SAMMSON: variants seen among roughly 807,000 people sequenced by gnomAD.
SAMMSON encodes survival associated mitochondrial melanoma specific oncogenic non-coding RNA.
At chr3:70,197,672 T>A (rs755397604) in intron 4 of SAMMSON, among the ~76,000 whole-genome samples, 17 of 152,220 alleles carry the variant, frequency 1.1e-4, no homozygotes, top group Non-Finnish European at 2.5e-4. Flanking sequence ...GCCACACCCA[T>A]ATTCCAGTGC....
chr3:70,351,327 A>G (rs891670151), intron 7 of SAMMSON, among the ~76,000 whole-genome samples: 43 of 152,154 alleles, frequency 2.8e-4, no homozygotes, highest in Admixed American at 2.0e-4. Context: ...TTTAATAAGT[A>G]TTGGTGGGGA....
intron 4 of SAMMSON, among the ~76,000 whole-genome samples, chr3:70,073,471 C>T (rs2067237481): frequency 6.6e-6 from 1 of 152,020 alleles, no homozygotes; most frequent in Non-Finnish European, 1.5e-5. Context: ...AGCTTACAAT[C>T]TATCGCAGAG....
rs568174075 is a variant in SAMMSON at position 70,210,132 on chromosome 3, T to G, written n.508-38975T>G. 3.9e-5 allele frequency among the ~76,000 whole-genome samples: 6 copies of G among 152,198 alleles called. No individual in the cohort carries two copies. The South Asian group carries it at 1.2e-3, about 32-fold the overall frequency. On this transcript the variant is annotated intron_variant and non_coding_transcript_variant, in intron 4 of 9. Transcript: ENST00000642114. ...TAGAGGTTACTGGAATGTAAGAACA[T>G]GCGGCGAATACAGTATACAGCCAAG...
intron 4 of SAMMSON, among the ~76,000 whole-genome samples, chr3:70,172,098 A>G (rs970898454): frequency 2.0e-5 from 3 of 151,956 alleles, no homozygotes; most frequent in Admixed American, 2.0e-4. Context: ...CACTAGAACT[A>G]CATTTCCTAT....
intron 9 of SAMMSON, among the ~76,000 whole-genome samples, chr3:70,371,192 T>C (rs1362367964): frequency 2.0e-5 from 3 of 152,158 alleles, no homozygotes; most frequent in Admixed American, 6.6e-5. Context: ...TTTATACCAA[T>C]ACCATGCTGT....
At chr3:70,082,945 A>T (rs1200261419) in intron 4 of SAMMSON, among the ~76,000 whole-genome samples, 1 of 152,214 alleles carries the variant, frequency 6.6e-6, no homozygotes, top group Non-Finnish European at 1.5e-5. Context: ...TGGCTGGTAA[A>T]TGATGGAGCT....
chr3:70,268,399 C>T (rs1575611031), intron 6 of SAMMSON, among the ~76,000 whole-genome samples: 1 of 144,358 alleles, frequency 6.9e-6, no homozygotes, highest in African/African-American at 2.6e-5. Flanking sequence ...CACTTGAACC[C>T]GGGAGGCGGA....
intron 4 of SAMMSON, among the ~76,000 whole-genome samples, chr3:70,168,701 C>T (rs1181614240): frequency 6.6e-6 from 1 of 151,928 alleles, no homozygotes; most frequent in Non-Finnish European, 1.5e-5. Context: ...CAACATTAGG[C>T]GTACGTGGAG....
intron 4 of SAMMSON, among the ~76,000 whole-genome samples, chr3:70,077,402 A>G (rs1576115954): frequency 6.6e-6 from 1 of 152,162 alleles, no homozygotes; most frequent in African/African-American, 2.4e-5. Flanking sequence ...TGATAACACT[A>G]TATGTTTTTT....
At chr3:70,218,672 G>T (rs1297713054) in intron 4 of SAMMSON, among the ~76,000 whole-genome samples, 2 of 151,984 alleles carry the variant, frequency 1.3e-5, no homozygotes, top group Admixed American at 6.6e-5. Flanking sequence ...AACTATTCCT[G>T]ACAAGGATGT....
intron 3 of SAMMSON, chr3:70,014,528 C>T (rs1316655709): frequency 6.6e-6 from 1 of 152,208 alleles, no homozygotes; most frequent in Non-Finnish European, 1.5e-5. Flanking sequence ...GCCAAGTTCA[C>T]ACATTTCAGC....
intron 4 of SAMMSON, among the ~76,000 whole-genome samples, chr3:70,108,523 C>G (rs911976371): frequency 1.8e-4 from 26 of 147,304 alleles, no homozygotes; most frequent in African/African-American, 6.5e-4. Context: ...AAAGCCACAT[C>G]GCACAGGCTG....
intron 8 of SAMMSON, among the ~76,000 whole-genome samples, chr3:70,356,125 A>C (rs1045669211): frequency 6.6e-6 from 1 of 152,220 alleles, no homozygotes; most frequent in South Asian, 2.1e-4. Context: ...AGTGACATTC[A>C]TAAAAGCAGG....
At position 70,328,836 on chromosome 3, in the gene SAMMSON, A is replaced by G. The variant is rs895784317; in HGVS notation, n.740-25339A>G. ...AAATTGAAGAAGCTCAATGAAATGC[A>G]AGCACAAGAAGCAGAAAGAGAACTA... is the stretch of plus-strand genomic sequence containing the variant. On this transcript the variant is annotated intron_variant and non_coding_transcript_variant, in intron 7 of 9. Transcript: ENST00000642114. Among the ~76,000 whole-genome samples the G allele has an allele frequency of 2.0e-5, 3 of 152,148 alleles. No homozygotes were observed. In the East Asian group the frequency reaches 5.8e-4, roughly 29 times the overall value.
intron 3 of SAMMSON, among the ~76,000 whole-genome samples, chr3:70,022,867 A>G (rs1273498335): frequency 6.6e-6 from 1 of 152,220 alleles, no homozygotes; most frequent in Non-Finnish European, 1.5e-5. Context: ...CCATGTAAAA[A>G]TTGTTTTTGT....
chr3:70,145,441 A>T (rs1053691279), intron 4 of SAMMSON, among the ~76,000 whole-genome samples: 5 of 152,162 alleles, frequency 3.3e-5, no homozygotes, highest in Admixed American at 2.6e-4. Flanking sequence ...AGGACAGATC[A>T]TATCCTGGGA....
At chr3:70,023,084 CTGCTTTGA>C (rs1357145668) in intron 3 of SAMMSON, among the ~76,000 whole-genome samples, 1 of 152,152 alleles carries the variant, frequency 6.6e-6, no homozygotes, top group African/African-American at 2.4e-5. Flanking sequence ...CTCATAATCT[CTGCTTTGA>C]TGTTGGCTTC....
At chr3:70,085,286 A>T (rs1314869232) in intron 4 of SAMMSON, among the ~76,000 whole-genome samples, 1 of 152,228 alleles carries the variant, frequency 6.6e-6, no homozygotes, top group Non-Finnish European at 1.5e-5. Context: ...CTTGTTGGTA[A>T]GGGCTGACTC....
chr3:70,139,770 T>C (rs760332686), intron 4 of SAMMSON, among the ~76,000 whole-genome samples: 9 of 152,186 alleles, frequency 5.9e-5, no homozygotes, highest in Non-Finnish European at 1.2e-4. Context: ...TTCTCCAAAA[T>C]GTCTTTGGGG....
Sources: gnomAD v4.1 joint callset for allele counts (sites outside exome capture counted in the v4.1 genomes callset) on GRCh38, gnomAD v4.1.1 for gene constraint, MANE v1.5 for transcripts, NCBI Gene and HGNC (gene_info 2026-07-23, HGNC 2026-07-21) for gene names.